SDCCAG8: variants seen among roughly 807,000 people sequenced by gnomAD.
SDCCAG8 encodes serologically defined colon cancer antigen 8.
In SDCCAG8, 74 loss-of-function variants were observed where a neutral mutation model predicts 101.8. The ratio of observed to expected loss-of-function variants is 0.73; its 90% CI spans 0.60 to 0.88. SDCCAG8 has a LOEUF of 0.88. Among genes scored for constraint, SDCCAG8 ranks in the 40% least tolerant of loss-of-function variants. The probability of loss-of-function intolerance (pLI) is 0.00; values close to 1 mark genes in which losing one functional copy is unlikely to be tolerated. For missense variants in SDCCAG8, 787 were observed against 822.6 expected (o/e 0.96, Z 0.53); for synonymous variants, 281 against 292.9 (o/e 0.96, Z 0.41).
At chr1:243,304,932 G>T in intron 7 of SDCCAG8, 155 bp downstream of exon 7, 1 of 609,744 alleles carries the variant, frequency 1.6e-6, no homozygotes, top group Admixed American at 3.1e-5. Flanking sequence ...ATTAAAGGAT[G>T]AAAGGCCTAA....
chr1:243,290,427 A>G (rs552645514), intron 5 of SDCCAG8, among the ~76,000 whole-genome samples: 1 of 152,112 alleles, frequency 6.6e-6, no homozygotes, highest in Non-Finnish European at 1.5e-5. Flanking sequence ...TGCTCCCTCC[A>G]ATTTCTCCAT....
intron 12 of SDCCAG8, chr1:243,346,237 A>G (rs2075698095): frequency 6.5e-6 from 1 of 154,400 alleles, no homozygotes; most frequent in Non-Finnish European, 1.5e-5. Context: ...TGTGAGACCA[A>G]AGAACTACTT....
intron 13 of SDCCAG8, among the ~76,000 whole-genome samples, chr1:243,386,316 T>C (rs947602464): frequency 2.0e-5 from 3 of 152,222 alleles, no homozygotes; most frequent in Non-Finnish European, 4.4e-5. Context: ...GCTGTAATTC[T>C]ATGTAAATTA....
intron 9 of SDCCAG8, among the ~76,000 whole-genome samples, chr1:243,323,277 T>A (rs2073908320): frequency 6.6e-6 from 1 of 152,130 alleles, no homozygotes; most frequent in Non-Finnish European, 1.5e-5. Flanking sequence ...TTCCTCACTT[T>A]TCCAACTCCA....
intron 8 of SDCCAG8, among the ~76,000 whole-genome samples, chr1:243,315,416 C>T (rs957532212): frequency 4.0e-5 from 6 of 151,784 alleles, no homozygotes; most frequent in Non-Finnish European, 8.8e-5. Context: ...TTTTTCATTT[C>T]CTTGGAAGAA....
chr1:243,424,797 T>C (rs2081234209), intron 15 of SDCCAG8, among the ~76,000 whole-genome samples: 1 of 152,098 alleles, frequency 6.6e-6, no homozygotes, highest in Non-Finnish European at 1.5e-5. Flanking sequence ...AGTTTTGTAT[T>C]TTTATATTGT....
intron 16 of SDCCAG8, among the ~76,000 whole-genome samples, chr1:243,443,947 C>G (rs1381357599): frequency 6.6e-6 from 1 of 152,066 alleles, no homozygotes; most frequent in Non-Finnish European, 1.5e-5. Context: ...TTTTCAGACT[C>G]TTGGAACTCT....
rs924898361 is a variant in SDCCAG8, at chr1:243,294,477, G to A, written c.675+1258G>A. Among the ~76,000 whole-genome samples, 143 of 94,096 alleles carry A rather than the reference G, an allele frequency of 1.5e-3. 2 individuals are homozygous for A. Among genetic ancestry groups the A allele is most frequent in the African/African-American group, 3.9e-3 (131 of 33,552 alleles). 61.7% of individuals were successfully genotyped at this position (94,096 alleles called of 152,430 possible). On this transcript the variant is annotated intron_variant, in intron 6 of 17. Transcript: ENST00000366541. ...CCCTCCACTCCCCCCAAAAGGTGGG[G>A]GGGGGGAGAGAGAGAGAGAGAGAAA...
At chr1:243,475,134 C>T (rs1289301292) in intron 16 of SDCCAG8, among the ~76,000 whole-genome samples, 2 of 152,206 alleles carry the variant, frequency 1.3e-5, no homozygotes, top group African/African-American at 4.8e-5. Flanking sequence ...CTCCCGGACA[C>T]GCACAGGCCC....
chr1:243,466,887 T>C (rs1278870497), intron 16 of SDCCAG8, among the ~76,000 whole-genome samples: 2 of 152,240 alleles, frequency 1.3e-5, no homozygotes, highest in African/African-American at 4.8e-5. Flanking sequence ...ATTAAATTAA[T>C]GAGAGGCAGA....
At chr1:243,305,033 G>A (rs565222388) in intron 7 of SDCCAG8, 183 of 425,342 alleles carry the variant, frequency 4.3e-4, no homozygotes, top group African/African-American at 3.6e-3. Flanking sequence ...ACGGCCGGGC[G>A]CGGTGGCTCA....
rs998574516 is a variant in SDCCAG8, at chr1:243,327,581, C to T, written c.1069-2959C>T. ...TCATTTGATGATAGTTGATTGTTTA[C>T]TGACCTAGCCTTTGAGAAGTCAGTT... On this transcript the variant is annotated intron_variant, in intron 9 of 17. Coordinates refer to ENST00000366541, the MANE Select transcript of SDCCAG8 (RefSeq NM_006642.5). 2.0e-5 allele frequency among the ~76,000 whole-genome samples: 3 copies of T among 151,204 alleles called. No homozygotes were observed. The South Asian group carries it at 6.2e-4, about 31-fold the overall frequency.
intron 9 of SDCCAG8, among the ~76,000 whole-genome samples, 189 bp downstream of exon 9, chr1:243,317,082 A>C (rs1484203883): frequency 1.3e-5 from 2 of 152,250 alleles, no homozygotes; most frequent in East Asian, 3.8e-4. Flanking sequence ...ACTGCTCTGC[A>C]AATACTGTTG....
At chr1:243,421,192 T>C (rs1293802344) in intron 15 of SDCCAG8, among the ~76,000 whole-genome samples, 1 of 152,236 alleles carries the variant, frequency 6.6e-6, no homozygotes, top group African/African-American at 2.4e-5. Flanking sequence ...TTAAGACATA[T>C]TTTTCCTTCC....
intron 13 of SDCCAG8, among the ~76,000 whole-genome samples, chr1:243,392,688 C>G (rs947479147): frequency 1.3e-5 from 2 of 152,142 alleles, no homozygotes; most frequent in Admixed American, 1.3e-4. Context: ...AAAGAATTAT[C>G]TGTTAAAAGT....
At chr1:243,370,113 T>G (rs977912647) in intron 12 of SDCCAG8, among the ~76,000 whole-genome samples, 1 of 152,098 alleles carries the variant, frequency 6.6e-6, no homozygotes, top group African/African-American at 2.4e-5. Context: ...TTCAGATTTT[T>G]CCCTCATCCA....
intron 16 of SDCCAG8, among the ~76,000 whole-genome samples, chr1:243,469,830 G>GGT (rs1660859635): frequency 8.1e-6 from 1 of 123,528 alleles, no homozygotes; most frequent in Non-Finnish European, 1.7e-5. Flanking sequence ...GAAAGTGTTG[G>GGT]TTTTTTTTTT....
intron 13 of SDCCAG8, among the ~76,000 whole-genome samples, chr1:243,408,672 A>G (rs993113595): frequency 2.6e-5 from 4 of 152,230 alleles, no homozygotes; most frequent in Non-Finnish European, 4.4e-5. Context: ...TGGACTTTAG[A>G]GTCAGATAGC....
chr1:243,450,588 T>C (rs1353036607), intron 16 of SDCCAG8, among the ~76,000 whole-genome samples: 1 of 152,208 alleles, frequency 6.6e-6, no homozygotes, highest in East Asian at 1.9e-4. Flanking sequence ...AGTAGAGATA[T>C]GAGTGGACAG....
Sources: gnomAD v4.1 joint callset for allele counts (sites outside exome capture counted in the v4.1 genomes callset) on GRCh38, gnomAD v4.1.1 for gene constraint, MANE v1.5 for transcripts, NCBI Gene and HGNC (gene_info 2026-07-23, HGNC 2026-07-21) for gene names.